MYO16: variants seen among roughly 807,000 people sequenced by gnomAD.
MYO16 encodes the protein myosin XVI.
A neutral mutation model predicts 205.3 loss-of-function variants in MYO16; 94 were observed. That is an observed-to-expected ratio of 0.46 (90% CI 0.39 to 0.54). The LOEUF is 0.54. MYO16 is among the 20% of genes least tolerant of loss of function. The pLI is 0.00. For missense variants in MYO16, 2,315 were observed against 2,387.5 expected, an observed-to-expected ratio of 0.97 and a Z score of 0.63; for synonymous variants, 988 against 954.0, an observed-to-expected ratio of 1.04 and a Z score of -0.66.
intron 4 of MYO16, among the ~76,000 whole-genome samples, chr13:108,784,094 G>A (rs72668549): frequency 0.22 from 32,862 of 152,068 alleles, 3,654 homozygotes; most frequent in African/African-American, 0.24. Context: ...CACTCTGGAT[G>A]TTTACCTCGG....
chr13:108,869,203 A>T (rs530072522), intron 12 of MYO16, among the ~76,000 whole-genome samples: 1 of 152,234 alleles, frequency 6.6e-6, no homozygotes, highest in African/African-American at 2.4e-5. Flanking sequence ...TTTACAGTTC[A>T]ATTTAGAAAC....
the MYO16 span, among the ~76,000 whole-genome samples, chr13:108,537,783 G>C: frequency 2.0e-5 from 3 of 151,650 alleles, no homozygotes; most frequent in Non-Finnish European, 4.4e-5. Flanking sequence ...TTTTTTTCCT[G>C]TGTTTTCCAC....
intron 15 of MYO16, among the ~76,000 whole-genome samples, chr13:108,909,490 T>G (rs1484965587): frequency 6.6e-6 from 1 of 151,996 alleles, no homozygotes; most frequent in Non-Finnish European, 1.5e-5. Context: ...CATTTTCCTT[T>G]GCTGCAGTGG....
At chr13:108,797,976 T>A (rs1886842859) in intron 6 of MYO16, among the ~76,000 whole-genome samples, 1 of 152,226 alleles carries the variant, frequency 6.6e-6, no homozygotes. Context: ...ACAGAGAGCA[T>A]AAATATTGCA....
chr13:108,745,362 G>T (rs1451807373), intron 4 of MYO16, among the ~76,000 whole-genome samples: 1 of 152,122 alleles, frequency 6.6e-6, no homozygotes, highest in Non-Finnish European at 1.5e-5. Flanking sequence ...AACGATAGAG[G>T]TTCTCGCAAG....
intron 11 of MYO16, 72 bp from the exon 12 acceptor site, chr13:108,866,105 A>G (rs940148924): frequency 1.2e-5 from 12 of 965,620 alleles, no homozygotes; most frequent in Non-Finnish European, 1.8e-5. Flanking sequence ...TGGTTTTTAA[A>G]TTGTATGATT....
intron 23 of MYO16, among the ~76,000 whole-genome samples, chr13:109,045,983 G>T (rs879581957): frequency 0.033 from 4,974 of 151,638 alleles, 127 homozygotes; most frequent in South Asian, 0.055. Context: ...CAGGCGAGGA[G>T]GCAAATTCTC....
At chr13:108,572,660 T>C in the MYO16 span, among the ~76,000 whole-genome samples, 2 of 152,230 alleles carry the variant, frequency 1.3e-5, no homozygotes, top group African/African-American at 2.4e-5. Context: ...AGTTCCTTTA[T>C]CGTTTTTTTG....
chr13:108,521,287 G>A, the MYO16 span, among the ~76,000 whole-genome samples: 3 of 152,354 alleles, frequency 2.0e-5, no homozygotes, highest in Admixed American at 2.0e-4. Context: ...TCACGAGGGT[G>A]TTGTACTTCT....
Position 109,019,837 on chromosome 13 carries a change from A to T in MYO16, c.2722A>T (p.Met908Leu). 6.2e-7 allele frequency: 1 copy of T among 1,614,156 alleles called. No homozygotes were observed. Among genetic ancestry groups the T allele is most frequent in the Non-Finnish European group, 8.5e-7 (1 of 1,180,010 alleles). ...SSNTNAVYSP[M>L]KDGNGNVALK... ...AAACACAAATGCGGTGTACTCCCCCATGAAGGATGGGAATGGGAATGTTGC... is the reference window on the plus strand; with the variant it reads ...AAACACAAATGCGGTGTACTCCCCCTTGAAGGATGGGAATGGGAATGTTGC... Residue 908 changes from methionine to leucine, a missense_variant, in exon 23 of 35, where the codon ATG becomes TTG. Transcript: ENST00000457511.
intron 2 of MYO16, among the ~76,000 whole-genome samples, chr13:108,669,116 G>A (rs555446239): frequency 6.6e-5 from 10 of 152,112 alleles, no homozygotes; most frequent in Non-Finnish European, 1.0e-4. Flanking sequence ...TAGGTAAAAC[G>A]ATACGAAGTC....
chr13:108,793,895 T>C (rs1353065226), intron 6 of MYO16, among the ~76,000 whole-genome samples: 2 of 152,118 alleles, frequency 1.3e-5, no homozygotes, highest in Non-Finnish European at 2.9e-5. Context: ...TTCATCCCAG[T>C]GCCGTTTATA....
chr13:108,977,529 G>C (rs1368504949), intron 20 of MYO16, among the ~76,000 whole-genome samples: 1 of 152,088 alleles, frequency 6.6e-6, no homozygotes, highest in East Asian at 1.9e-4. Flanking sequence ...CATATACCAT[G>C]CTCCAACTTC....
chr13:108,636,865 A>G (rs1415510768), intron 1 of MYO16, among the ~76,000 whole-genome samples: 1 of 152,222 alleles, frequency 6.6e-6, no homozygotes, highest in Non-Finnish European at 1.5e-5. Context: ...CTCTAATTAT[A>G]GGAATCTTAT....
chr13:108,912,546 A>G (rs2139240158), intron 16 of MYO16, among the ~76,000 whole-genome samples: 1 of 152,284 alleles, frequency 6.6e-6, no homozygotes, highest in Admixed American at 6.5e-5. Flanking sequence ...TCAAAGCCAG[A>G]GACATGAAGA....
At chr13:108,732,756 C>CA (rs1884565193) in intron 4 of MYO16, among the ~76,000 whole-genome samples, 1 of 152,180 alleles carries the variant, frequency 6.6e-6, no homozygotes, top group Non-Finnish European at 1.5e-5. Flanking sequence ...TGAAATTCTA[C>CA]AACTGAGAAG....
chr13:108,793,392 T>A, intron 5 of MYO16, 124 bp from the exon 6 acceptor site: 2 of 862,178 alleles, frequency 2.3e-6, no homozygotes, highest in African/African-American at 3.6e-5. Flanking sequence ...GAATGAGTGT[T>A]CAAAGTGGAA....
intron 23 of MYO16, among the ~76,000 whole-genome samples, chr13:109,038,667 G>T (rs989504383): frequency 6.6e-6 from 1 of 151,756 alleles, no homozygotes; most frequent in African/African-American, 2.4e-5. Context: ...TGAATACAAA[G>T]CTTTTGTATT....
intron 2 of MYO16, among the ~76,000 whole-genome samples, chr13:108,707,944 A>G (rs1883576226): frequency 6.6e-6 from 1 of 152,162 alleles, no homozygotes; most frequent in Admixed American, 6.5e-5. Context: ...AGGTGCAAAA[A>G]TGGGATTTTG....
Sources: allele counts gnomAD v4.1 joint callset (sites outside exome capture counted in the v4.1 genomes callset), GRCh38; gene constraint gnomAD v4.1.1; transcripts MANE v1.5; gene names NCBI Gene and HGNC (gene_info 2026-07-23, HGNC 2026-07-21).